Variants in RPS6KC1 observed in about 807,000 individuals in gnomAD.
The protein encoded by RPS6KC1 is inactive ribosomal protein S6 kinase delta-1.
A neutral mutation model predicts 103.8 loss-of-function variants in RPS6KC1; 54 were observed. The ratio of observed to expected loss-of-function variants is 0.52; its 90% CI spans 0.42 to 0.65. RPS6KC1 has a LOEUF of 0.65. Among genes scored for constraint, RPS6KC1 ranks in the 30% least tolerant of loss-of-function variants. The probability of loss-of-function intolerance (pLI) is 0.00; values close to 1 mark genes in which losing one functional copy is unlikely to be tolerated. For synonymous variants in RPS6KC1, 439 were observed against 438.7 expected, an observed-to-expected ratio of 1.00 and a Z score of -0.01; for missense variants, 1,151 against 1,253.8, an observed-to-expected ratio of 0.92 and a Z score of 1.24.
the RPS6KC1 span, among the ~76,000 whole-genome samples, chr1:213,854,234 C>T: frequency 1.3e-5 from 2 of 152,214 alleles, no homozygotes. Context: ...GAACTGGATT[C>T]CCCACGAATC....
At chr1:213,713,123 C>T in the RPS6KC1 span, among the ~76,000 whole-genome samples, 1 of 152,124 alleles carries the variant, frequency 6.6e-6, no homozygotes, top group Admixed American at 6.5e-5. Flanking sequence ...ATGCTCCTTC[C>T]AATTTTATTT....
the RPS6KC1 span, among the ~76,000 whole-genome samples, chr1:213,637,512 C>T: frequency 6.6e-6 from 1 of 151,982 alleles, no homozygotes; most frequent in African/African-American, 2.4e-5. Flanking sequence ...ACATGTATAC[C>T]TATGTAACAG....
the RPS6KC1 span, among the ~76,000 whole-genome samples, chr1:213,671,293 A>G: frequency 1.3e-5 from 2 of 152,150 alleles, no homozygotes; most frequent in Admixed American, 1.3e-4. Context: ...ATACCACATG[A>G]TCTCACATAT....
At chr1:213,052,765 G>A (rs1438626272) in intron 1 of RPS6KC1, among the ~76,000 whole-genome samples, 1 of 152,024 alleles carries the variant, frequency 6.6e-6, no homozygotes, top group African/African-American at 2.4e-5. Context: ...TCATTTCGAA[G>A]TCCTGACCTC....
chr1:213,396,378 GC>G, the RPS6KC1 span, among the ~76,000 whole-genome samples: 3 of 152,114 alleles, frequency 2.0e-5, no homozygotes, highest in East Asian at 5.8e-4. Context: ...CCCTCTCTAG[GC>G]TTCAGTGTCC....
At chr1:213,565,291 C>T in the RPS6KC1 span, among the ~76,000 whole-genome samples, 1 of 152,168 alleles carries the variant, frequency 6.6e-6, no homozygotes. Flanking sequence ...CAGAAAAATA[C>T]ATTCACAAAA....
intron 5 of RPS6KC1, among the ~76,000 whole-genome samples, chr1:213,119,288 A>G (rs2084067819): frequency 6.6e-6 from 1 of 151,416 alleles, no homozygotes. Context: ...CTCTACTAAA[A>G]ACACAAAAAT....
At chr1:213,332,943 G>T in the RPS6KC1 span, among the ~76,000 whole-genome samples, 1 of 152,174 alleles carries the variant, frequency 6.6e-6, no homozygotes, top group African/African-American at 2.4e-5. Flanking sequence ...TTCCAAGGGG[G>T]CAAGTGGCAC....
chr1:213,151,997 G>T (rs1410017736), intron 6 of RPS6KC1, among the ~76,000 whole-genome samples: 2 of 130,858 alleles, frequency 1.5e-5, no homozygotes, highest in Non-Finnish European at 3.3e-5. Context: ...TCCCAGTAGG[G>T]GTGGCCGGGC....
the RPS6KC1 span, among the ~76,000 whole-genome samples, chr1:213,695,940 A>T: frequency 2.6e-5 from 4 of 152,232 alleles, no homozygotes; most frequent in Non-Finnish European, 4.4e-5. Context: ...AATTGCTGTC[A>T]ATAACTTTAT....
At chr1:213,441,481 G>A in the RPS6KC1 span, among the ~76,000 whole-genome samples, 3 of 152,080 alleles carry the variant, frequency 2.0e-5, no homozygotes, top group East Asian at 3.8e-4. Flanking sequence ...TCAGCATAAC[G>A]TTTTCTAATG....
the RPS6KC1 span, among the ~76,000 whole-genome samples, chr1:213,732,214 T>C: frequency 6.6e-6 from 1 of 152,234 alleles, no homozygotes; most frequent in Non-Finnish European, 1.5e-5. Flanking sequence ...GAGCTACCCC[T>C]GATGGGGAAG....
chr1:213,743,840 G>A, the RPS6KC1 span, among the ~76,000 whole-genome samples: 1 of 152,236 alleles, frequency 6.6e-6, no homozygotes, highest in African/African-American at 2.4e-5. Flanking sequence ...TGGATTCTAT[G>A]ATAGGCCAAA....
At chr1:213,456,878 G>A in the RPS6KC1 span, among the ~76,000 whole-genome samples, 1 of 152,250 alleles carries the variant, frequency 6.6e-6, no homozygotes, top group Non-Finnish European at 1.5e-5. Flanking sequence ...TTTGTATGTA[G>A]TTTCTTAATG....
the RPS6KC1 span, among the ~76,000 whole-genome samples, chr1:213,363,921 T>C: frequency 6.6e-6 from 1 of 151,702 alleles, no homozygotes; most frequent in Non-Finnish European, 1.5e-5. Context: ...TTCACATTGT[T>C]TTCTTTAGCC....
At chr1:213,557,921 C>G in the RPS6KC1 span, among the ~76,000 whole-genome samples, 1 of 152,040 alleles carries the variant, frequency 6.6e-6, no homozygotes, top group Non-Finnish European at 1.5e-5. Context: ...AAGAGGTGCC[C>G]GTCATATTTT....
At chr1:213,583,848 AAAAAAAAG>A in the RPS6KC1 span, among the ~76,000 whole-genome samples, 1 of 143,870 alleles carries the variant, frequency 7.0e-6, no homozygotes, top group East Asian at 2.0e-4. Context: ...AGAAAAAAGA[AAAAAAAAG>A]AAAAAAAAGA....
the RPS6KC1 span, among the ~76,000 whole-genome samples, chr1:213,707,201 C>T: frequency 1.3e-5 from 2 of 152,172 alleles, no homozygotes; most frequent in South Asian, 4.1e-4. Context: ...CACATCCTCT[C>T]CAGCATCTGT....
At chr1:213,637,725 C>T in the RPS6KC1 span, among the ~76,000 whole-genome samples, 1 of 152,120 alleles carries the variant, frequency 6.6e-6, no homozygotes, top group Non-Finnish European at 1.5e-5. Flanking sequence ...TGCTCTGTAT[C>T]CTCACCACCT....
Sources: gnomAD v4.1 joint callset for allele counts (sites outside exome capture counted in the v4.1 genomes callset) on GRCh38, gnomAD v4.1.1 for gene constraint, MANE v1.5 for transcripts, NCBI Gene and HGNC (gene_info 2026-07-23, HGNC 2026-07-21) for gene names.